TF: variants seen among roughly 807,000 people sequenced by gnomAD.
The protein encoded by TF is serotransferrin.
Under a neutral mutation model 82.4 loss-of-function variants are expected in TF, and 55 were observed. The observed-to-expected ratio is 0.67, with a 90% CI of 0.54 to 0.84. TF has a LOEUF of 0.84. Ranked by LOEUF, TF falls within the 40% of genes least tolerant of loss-of-function variation. The pLI is 0.00. For missense variants in TF, 737 were observed against 868.4 expected (o/e 0.85, Z 1.90); for synonymous variants, 332 against 332.6 (o/e 1.00, Z 0.02).
chr3:133,666,864 G>A, the TF span, among the ~76,000 whole-genome samples: 3 of 151,900 alleles, frequency 2.0e-5, no homozygotes, highest in African/African-American at 4.8e-5. Context: ...GTGAAACCTC[G>A]TCTCTACTAA....
Position 133,775,544 on chromosome 3 carries a change from G to A in TF, c.1799G>A (p.Arg600Lys), listed in dbSNP as rs746681497. 1 of 1,614,226 alleles carries A rather than the reference G, an allele frequency of 6.2e-7. No individual in the cohort carries two copies. ...VEEYANCHLARAPNHAVVTRK... is the reference protein window; with the variant it reads ...VEEYANCHLAKAPNHAVVTRK... ...GAGTATGCGAACTGCCACCTGGCCAGAGCCCCGAATCACGCTGTGGTCACA... is the reference window on the plus strand; with the variant it reads ...GAGTATGCGAACTGCCACCTGGCCAAAGCCCCGAATCACGCTGTGGTCACA... The change falls in exon 15 of 17, where the codon AGA becomes AAA. Residue 600 changes from arginine (R) to lysine (K), a missense_variant. Transcript: ENST00000402696.
chr3:133,781,599 T>C lies in TF; in HGVS notation c.*2979T>C, dbSNP rs1445780897. The C allele has an allele frequency of 6.6e-6, 1 of 152,136 alleles. No individual in the cohort carries two copies. The highest frequency in any genetic ancestry group is 1.5e-5 in the Non-Finnish European group (1 of 67,996). 9.4% of individuals were successfully genotyped at this position (152,136 alleles called of 1,614,324 possible). A position where few individuals can be genotyped will look rare whatever the true frequency, so the allele number is the denominator to read the frequency against. On this transcript the variant is annotated 3_prime_UTR_variant, in exon 17 of 17. Transcript: ENST00000402696. The stretch of plus-strand genomic sequence containing the variant: ...TGTAAAGATGTCAATTCTCCCTAAA[T>C]TAATCAATATACAATTTTTTAACTT...
At chr3:133,708,544 C>G in the TF span, among the ~76,000 whole-genome samples, 1 of 151,926 alleles carries the variant, frequency 6.6e-6, no homozygotes, top group Non-Finnish European at 1.5e-5. Context: ...GAGTGACAGG[C>G]AGGGGCTAGC....
At chr3:133,665,626 T>C in the TF span, among the ~76,000 whole-genome samples, 1 of 151,904 alleles carries the variant, frequency 6.6e-6, no homozygotes. Context: ...GGGGTGACAT[T>C]ATGGGCAACT....
the TF span, among the ~76,000 whole-genome samples, chr3:133,731,291 C>T: frequency 6.6e-6 from 1 of 152,246 alleles, no homozygotes. Flanking sequence ...GGTGAAGGAG[C>T]AATGGGAAGT....
chr3:133,722,139 C>T, the TF span, among the ~76,000 whole-genome samples: 1 of 152,090 alleles, frequency 6.6e-6, no homozygotes, highest in Non-Finnish European at 1.5e-5. Flanking sequence ...GCCTGGGCCT[C>T]CCAAAGTGCT....
chr3:133,736,231 A>G, the TF span, among the ~76,000 whole-genome samples: 1 of 152,190 alleles, frequency 6.6e-6, no homozygotes, highest in South Asian at 2.1e-4. Flanking sequence ...GAGAAATAAA[A>G]TCCTTTACAG....
chr3:133,700,692 G>A, the TF span, among the ~76,000 whole-genome samples: 93 of 152,350 alleles, frequency 6.1e-4, no homozygotes, highest in Middle Eastern at 3.4e-3. Flanking sequence ...GCCACACCAG[G>A]CAGACAAGCT....
the TF span, among the ~76,000 whole-genome samples, chr3:133,730,325 GT>G: frequency 3.1e-3 from 465 of 152,320 alleles, 3 homozygotes; most frequent in African/African-American, 0.011. Flanking sequence ...TCTCCTTGAA[GT>G]TTTCCCTCAG....
chr3:133,746,247 G>A (rs1024013385), upstream of TF: 3 of 660,374 alleles, frequency 4.5e-6, no homozygotes, highest in Non-Finnish European at 8.2e-6. Flanking sequence ...CTCAGAAAAT[G>A]AGGTGATCAG....
At chr3:133,713,737 C>T in the TF span, among the ~76,000 whole-genome samples, 2 of 152,170 alleles carry the variant, frequency 1.3e-5, no homozygotes. Flanking sequence ...GCAGGTATGG[C>T]TCCTTGAGCA....
chr3:133,699,679 G>A, the TF span: 1 of 460,170 alleles, frequency 2.2e-6, no homozygotes, highest in African/African-American at 2.0e-5. Flanking sequence ...TGGATTTGGA[G>A]GGAGGTTAAC....
chr3:133,728,815 T>C, the TF span, among the ~76,000 whole-genome samples: 1 of 152,214 alleles, frequency 6.6e-6, no homozygotes, highest in African/African-American at 2.4e-5. Flanking sequence ...ATGATGGTGA[T>C]GTACAGATGG....
chr3:133,778,511 T>C, intron 16 of TF, 75 bp from the exon 17 acceptor site: 1 of 1,525,782 alleles, frequency 6.6e-7, no homozygotes, highest in Non-Finnish European at 9.1e-7. Flanking sequence ...ATGCTGAAAT[T>C]GTTCAATCAC....
chr3:133,705,409 C>T, the TF span, among the ~76,000 whole-genome samples: 1 of 152,156 alleles, frequency 6.6e-6, no homozygotes, highest in African/African-American at 2.4e-5. Flanking sequence ...GTCTAAGACT[C>T]TGAAGGGAAG....
At chr3:133,713,731 G>A in the TF span, among the ~76,000 whole-genome samples, 1 of 152,180 alleles carries the variant, frequency 6.6e-6, no homozygotes, top group Non-Finnish European at 1.5e-5. Context: ...CAGTCAGCAG[G>A]TATGGCTCCT....
In TF at chr3:133,770,553, T is replaced by C. The variant is rs1559877007; in HGVS notation, c.1668T>C (p.Thr556=). The C allele has an allele frequency of 1.2e-6, 2 of 1,614,164 alleles. No homozygotes were observed. Among genetic ancestry groups the C allele is most frequent in the East Asian group, 2.2e-5 (1 of 44,882 alleles). The part of the protein sequence containing the change: ...KGDVAFVKHQ[T]VPQNTGGKNP... ...ATGTGGCCTTTGTGAAACACCAGAC[T>C]GTCCCACAGAACACTGGGGGTAAGT... Residue 556 remains threonine (T), a synonymous_variant, in exon 14 of 17, where the codon ACT becomes ACC. Transcript: ENST00000402696.
intron 13 of TF, 126 bp downstream of exon 13, chr3:133,768,290 T>C: frequency 3.7e-6 from 5 of 1,338,806 alleles, no homozygotes; most frequent in Non-Finnish European, 5.2e-6. Context: ...AGAGTATATT[T>C]CACAACCAGA....
chr3:133,715,602 C>CT, the TF span, among the ~76,000 whole-genome samples: 4 of 152,176 alleles, frequency 2.6e-5, no homozygotes, highest in Non-Finnish European at 5.9e-5. Context: ...TTCTCCTCTT[C>CT]TTTTTACAAC....
Sources: gnomAD v4.1 joint callset for allele counts (sites outside exome capture counted in the v4.1 genomes callset) on GRCh38, gnomAD v4.1.1 for gene constraint, MANE v1.5 for transcripts, NCBI Gene and HGNC (gene_info 2026-07-23, HGNC 2026-07-21) for gene names.